DIP2C: variants seen among roughly 807,000 people sequenced by gnomAD.
DIP2C encodes the protein DIP2 acetate--CoA ligase C (putative), also known as disco-interacting protein 2 homolog C.
In DIP2C, 33 loss-of-function variants were observed where a neutral mutation model predicts 192.4. The ratio of observed to expected loss-of-function variants is 0.17; its 90% CI spans 0.13 to 0.23. The LOEUF is 0.23. Ranked by LOEUF, DIP2C falls within the 10% of genes least tolerant of loss-of-function variation. DIP2C has a pLI of 1.00. For missense variants in DIP2C, 1,537 were observed against 2,110.1 expected, an observed-to-expected ratio of 0.73 and a Z score of 5.32; for synonymous variants, 979 against 864.1, an observed-to-expected ratio of 1.13 and a Z score of -2.33.
chr10:614,406 G>C (rs920620371), intron 1 of DIP2C, among the ~76,000 whole-genome samples: 2 of 152,240 alleles, frequency 1.3e-5, no homozygotes, highest in Admixed American at 1.3e-4. Flanking sequence ...AAGTCTAACA[G>C]TGCCGGCTCT....
intron 1 of DIP2C, among the ~76,000 whole-genome samples, chr10:604,175 G>A (rs1852305116): frequency 6.6e-6 from 1 of 151,494 alleles, no homozygotes; most frequent in Non-Finnish European, 1.5e-5. Context: ...CCATCTCACT[G>A]TCTGTTACGC....
At chr10:422,756 A>G in intron 5 of DIP2C, 68 bp downstream of exon 5, 1 of 1,527,046 alleles carries the variant, frequency 6.5e-7, no homozygotes, top group Non-Finnish European at 8.8e-7. Context: ...AACGATGCAA[A>G]CAGAGAATGT....
At chr10:604,276 T>C (rs966392492) in intron 1 of DIP2C, among the ~76,000 whole-genome samples, 2 of 152,166 alleles carry the variant, frequency 1.3e-5, no homozygotes, top group African/African-American at 4.8e-5. Flanking sequence ...AAAATTGGCA[T>C]TGTTTTCCTC....
chr10:671,733 G>A (rs1414193540), intron 1 of DIP2C, among the ~76,000 whole-genome samples: 2 of 103,304 alleles, frequency 1.9e-5, no homozygotes, highest in Non-Finnish European at 3.7e-5. Flanking sequence ...ACAGACGCAC[G>A]GACGGAGGAA....
chr10:420,910 T>C (rs1328527836), intron 5 of DIP2C, among the ~76,000 whole-genome samples: 1 of 152,216 alleles, frequency 6.6e-6, no homozygotes, highest in Admixed American at 6.5e-5. Context: ...AGCCATCTGT[T>C]GTGCTTGGAC....
intron 29 of DIP2C, 133 bp from the exon 30 acceptor site, chr10:329,734 G>A: frequency 8.5e-7 from 1 of 1,182,172 alleles, no homozygotes; most frequent in Non-Finnish European, 1.2e-6. Flanking sequence ...ATCTGTAGAA[G>A]GGCACAGTAA....
chr10:330,460 T>C (rs4306231), intron 29 of DIP2C, among the ~76,000 whole-genome samples: 145,439 of 152,210 alleles, frequency 0.96, 69,812 homozygotes, highest in East Asian at 1. Flanking sequence ...ATAGATACCA[T>C]ACATTAAAAT....
chr10:557,042 G>A (rs745861531), intron 1 of DIP2C, among the ~76,000 whole-genome samples: 3 of 152,244 alleles, frequency 2.0e-5, no homozygotes, highest in Non-Finnish European at 2.9e-5. Flanking sequence ...ACGGCTGTGT[G>A]CTCCCTCCTG....
chr10:369,718 G>T, intron 17 of DIP2C, 85 bp from the exon 18 acceptor site: 1 of 1,604,846 alleles, frequency 6.2e-7, no homozygotes, highest in Non-Finnish European at 8.5e-7. Context: ...CATGCGGCAG[G>T]CTGGGCACCT....
intron 24 of DIP2C, among the ~76,000 whole-genome samples, chr10:353,635 A>G (rs1229644931): frequency 2.0e-5 from 3 of 152,012 alleles, no homozygotes; most frequent in Admixed American, 6.6e-5. Flanking sequence ...CAACTGATCC[A>G]CCCAAAGTGC....
At chr10:379,959 A>G (rs1962183386) in intron 17 of DIP2C, among the ~76,000 whole-genome samples, 1 of 152,034 alleles carries the variant, frequency 6.6e-6, no homozygotes, top group African/African-American at 2.4e-5. Flanking sequence ...GTTAACGTGC[A>G]GAAGAGGATG....
At position 442,548 on chromosome 10, in the gene DIP2C, A is replaced by G. The variant is rs76452607; in HGVS notation, c.269-1552T>C. Among the ~76,000 whole-genome samples the G allele has an allele frequency of 4.0e-3, 609 of 152,320 alleles. 11 individuals are homozygous for G. The East Asian group carries it at 0.051, about 13-fold the overall frequency. ...ATTCTCCATTTTAAACTTTTTGGAT[A>G]TAATTTCAGATACACAGAAAATCTG... On this transcript the variant is annotated intron_variant, in intron 3 of 36. Transcript: ENST00000280886.
chr10:573,925 T>A (rs899522266), intron 1 of DIP2C, among the ~76,000 whole-genome samples: 4 of 152,198 alleles, frequency 2.6e-5, no homozygotes, highest in African/African-American at 9.7e-5. Flanking sequence ...CACCACCACA[T>A]CACAGACTAG....
At chr10:390,469 A>C in intron 11 of DIP2C, 96 bp from the exon 12 acceptor site, 1 of 1,238,188 alleles carries the variant, frequency 8.1e-7, no homozygotes, top group Non-Finnish European at 1.2e-6. Context: ...AAACACGTCA[A>C]CTAGATCGAA....
intron 6 of DIP2C, among the ~76,000 whole-genome samples, chr10:417,511 G>T (rs142153997): frequency 6.6e-6 from 1 of 152,326 alleles, no homozygotes; most frequent in African/African-American, 2.4e-5. Context: ...CAATCAGGGC[G>T]ATTTCAAGCG....
At chr10:671,394 G>A (rs1830631249) in intron 1 of DIP2C, among the ~76,000 whole-genome samples, 1 of 147,658 alleles carries the variant, frequency 6.8e-6, no homozygotes, top group Non-Finnish European at 1.5e-5. Flanking sequence ...CGCACGGACG[G>A]AGGAAACGTC....
intron 1 of DIP2C, among the ~76,000 whole-genome samples, chr10:540,493 T>TC (rs1188524195): frequency 1.3e-5 from 2 of 152,202 alleles, no homozygotes; most frequent in Non-Finnish European, 2.9e-5. Flanking sequence ...TCTTGAGTCC[T>TC]CTTCTCCTTG....
chr10:510,830 T>C (rs919008383), intron 1 of DIP2C, among the ~76,000 whole-genome samples: 1 of 152,160 alleles, frequency 6.6e-6, no homozygotes. Context: ...TCCGTAAAGA[T>C]CAGGGATATC....
intron 16 of DIP2C, among the ~76,000 whole-genome samples, chr10:383,294 C>G (rs1962545085): frequency 6.6e-6 from 1 of 152,214 alleles, no homozygotes. Context: ...GTTTATGAGT[C>G]TGCTTTTGTA....
Sources: gnomAD v4.1 joint callset for allele counts (sites outside exome capture counted in the v4.1 genomes callset) on GRCh38, gnomAD v4.1.1 for gene constraint, MANE v1.5 for transcripts, NCBI Gene and HGNC (gene_info 2026-07-23, HGNC 2026-07-21) for gene names.